MCM9: variants seen among roughly 807,000 people sequenced by gnomAD.
MCM9 encodes DNA helicase MCM9.
Under a neutral mutation model 72.8 loss-of-function variants are expected in MCM9, and 55 were observed. That is an observed-to-expected ratio of 0.76 (90% CI 0.61 to 0.95). MCM9 has a LOEUF of 0.95. Ranked by LOEUF, MCM9 falls within the 40% of genes least tolerant of loss-of-function variation. The pLI is 0.00. For synonymous variants in MCM9, 480 were observed against 503.4 expected (o/e 0.95, Z 0.62); for missense variants, 1,279 against 1,377.0 (o/e 0.93, Z 1.13).
At chr6:118,903,991 AC>A (rs141732360) in intron 8 of MCM9, among the ~76,000 whole-genome samples, 2,125 of 152,350 alleles carry the variant, frequency 0.014, 42 homozygotes, top group African/African-American at 0.049. Flanking sequence ...CTGGAGACAA[AC>A]TGAGAAGGGC....
At position 118,815,930 on chromosome 6, in the gene MCM9, T is replaced by A. The variant is rs766701355; in HGVS notation, c.2326A>T (p.Ile776Phe). 2.6e-6 allele frequency: 4 copies of A among 1,549,138 alleles called. No individual in the cohort carries two copies. In the South Asian group the frequency reaches 4.8e-5, roughly 18 times the overall value. Residue 776 changes from isoleucine to phenylalanine, a missense_variant, in exon 14 of 14, where the codon ATC becomes TTC. Transcript: ENST00000619706. The stretch of plus-strand genomic sequence containing the variant: ...TTACCCTGAGATGTGCTGTTAGAGA[T>A]CTTCGAAGCCATATTTTCTCCAGAT... ...KTSGENMASK[I>F]SNSTSQGKEK...
intron 3 of MCM9, among the ~76,000 whole-genome samples, chr6:118,928,664 A>G (rs1417318516): frequency 6.7e-6 from 1 of 150,146 alleles, no homozygotes; most frequent in Non-Finnish European, 1.5e-5. Flanking sequence ...CCTGAGCAAC[A>G]CAGAGACCCC....
chr6:118,824,508 C>T (rs1480330334), intron 13 of MCM9, among the ~76,000 whole-genome samples: 2 of 152,066 alleles, frequency 1.3e-5, no homozygotes, highest in Admixed American at 6.6e-5. Context: ...AGTGTTTCAC[C>T]ATGTTGGCCA....
At chr6:118,826,923 CT>C in intron 11 of MCM9, 59 bp from the exon 12 acceptor site, 2 of 1,325,834 alleles carry the variant, frequency 1.5e-6, no homozygotes, top group Non-Finnish European at 2.1e-6. Flanking sequence ...ATGTAATTCT[CT>C]AACTTCCTCC....
Position 118,813,843 on chromosome 6 carries a change from G to A in MCM9, c.*981C>T, listed in dbSNP as rs1773252717. ...AATCACATTTCCATATTAACCAGCT[G>A]GGTAGATGAGACATGATGTTTGATT... On this transcript the variant is annotated 3_prime_UTR_variant, in exon 14 of 14. Coordinates refer to ENST00000619706, the MANE Select transcript of MCM9 (RefSeq NM_017696.3). 1.3e-5 allele frequency: 2 copies of A among 152,140 alleles called. No homozygotes were observed. Among genetic ancestry groups the A allele is most frequent in the African/African-American group, 4.8e-5 (2 of 41,414 alleles). The allele number at this position is 152,140 out of a possible 1,614,324, so 9.4% of individuals were successfully genotyped here. A position where few individuals can be genotyped will look rare whatever the true frequency, so the allele number is the denominator to read the frequency against.
At chr6:118,886,946 C>G (rs749250394) in intron 8 of MCM9, among the ~76,000 whole-genome samples, 5 of 152,080 alleles carry the variant, frequency 3.3e-5, no homozygotes, top group Non-Finnish European at 5.9e-5. Context: ...GCCTAAAAAA[C>G]AGAGCAAGAT....
Position 118,924,033 on chromosome 6 carries a change from T to C in MCM9, c.399A>G (p.Thr133=), listed in dbSNP as rs2114384172. Residue 133 remains threonine (T), a synonymous_variant, in exon 4 of 14, where the codon ACA becomes ACG. Transcript: ENST00000619706. ...FLSVTGTVIR[T]SLVKVLEFER... is the part of the protein sequence containing the mutation. ...CAAACTCCAGAACCTTCACCAGACTTGTTCGAATCACTGTCCCAGTGACAG... is the reference window on the plus strand; with the variant it reads ...CAAACTCCAGAACCTTCACCAGACTCGTTCGAATCACTGTCCCAGTGACAG... The C allele has an allele frequency of 6.2e-7, 1 of 1,614,196 alleles. No individual in the cohort carries two copies. The highest frequency in any genetic ancestry group is 8.5e-7 in the Non-Finnish European group (1 of 1,180,026).
chr6:118,922,030 A>T lies in MCM9; in HGVS notation c.678T>A (p.Asp226Glu). The change falls in exon 5 of 14, where the codon GAT becomes GAA. Residue 226 changes from aspartate to glutamate, a missense_variant. By Grantham distance (45) the Asp-to-Glu change is conservative. Transcript: ENST00000619706. ...IPRSMKVILEDDLVDSCKSGD... is the reference protein window; with the variant it reads ...IPRSMKVILEEDLVDSCKSGD... Reference sequence around the variant, plus strand: ...CAGATTTGCAACTATCCACTAAGTCATCTTCCAGAATAACCTTCATAGATC... The same window carrying T: ...CAGATTTGCAACTATCCACTAAGTCTTCTTCCAGAATAACCTTCATAGATC... The T allele has an allele frequency of 6.2e-7, 1 of 1,613,026 alleles. No individual in the cohort carries two copies. The highest frequency in any genetic ancestry group is 8.5e-7 in the Non-Finnish European group (1 of 1,179,482).
At chr6:118,893,952 C>T in intron 8 of MCM9, 1 of 944,984 alleles carries the variant, frequency 1.1e-6, no homozygotes, top group Non-Finnish European at 1.3e-6. Flanking sequence ...CCCGCCGCGG[C>T]CACGCCCCCT....
intron 13 of MCM9, among the ~76,000 whole-genome samples, chr6:118,825,155 C>T (rs1189992170): frequency 1.3e-5 from 2 of 152,164 alleles, no homozygotes; most frequent in South Asian, 4.2e-4. Context: ...AGCCCAGGAG[C>T]GGCTTGAAAA....
chr6:118,892,995 A>G (rs1028417298), intron 8 of MCM9, among the ~76,000 whole-genome samples: 1 of 152,254 alleles, frequency 6.6e-6, no homozygotes, highest in Non-Finnish European at 1.5e-5. Context: ...ACACATACTT[A>G]AGAATTAATT....
chr6:118,880,315 G>A (rs1021477483), intron 8 of MCM9, among the ~76,000 whole-genome samples: 2 of 152,152 alleles, frequency 1.3e-5, no homozygotes, highest in Admixed American at 1.3e-4. Flanking sequence ...TTGGAAACTC[G>A]AGGTGTTTGA....
At chr6:118,844,223 AG>A (rs993924624) in intron 9 of MCM9, among the ~76,000 whole-genome samples, 2 of 151,850 alleles carry the variant, frequency 1.3e-5, no homozygotes, top group African/African-American at 4.9e-5. Context: ...ACTTTGCATC[AG>A]GAAGATTAAC....
chr6:118,868,259 GA>G (rs1777354382), intron 8 of MCM9, among the ~76,000 whole-genome samples: 1 of 152,050 alleles, frequency 6.6e-6, no homozygotes, highest in South Asian at 2.1e-4. Context: ...ATTATAAAAA[GA>G]CAAAGTATGA....
intron 6 of MCM9, among the ~76,000 whole-genome samples, chr6:118,915,234 T>C (rs1186822494): frequency 1.3e-5 from 2 of 152,308 alleles, no homozygotes; most frequent in South Asian, 2.1e-4. Context: ...GGCTATATCA[T>C]GGAAGAAAAT....
intron 8 of MCM9, among the ~76,000 whole-genome samples, chr6:118,876,201 G>A (rs555153699): frequency 6.6e-6 from 1 of 151,804 alleles, no homozygotes; most frequent in Admixed American, 6.6e-5. Context: ...ATATTTAAAA[G>A]ATCAGTGGTT....
intron 8 of MCM9, among the ~76,000 whole-genome samples, chr6:118,881,650 A>C (rs1269225243): frequency 1.3e-5 from 2 of 152,238 alleles, no homozygotes; most frequent in African/African-American, 2.4e-5. Context: ...ATCACTTCAG[A>C]GGTTTCACTT....
intron 8 of MCM9, among the ~76,000 whole-genome samples, chr6:118,857,431 T>C (rs1444713155): frequency 2.0e-5 from 3 of 152,088 alleles, no homozygotes; most frequent in African/African-American, 7.2e-5. Flanking sequence ...AGCTGTTGAA[T>C]TATAGGCAAG....
At chr6:118,826,002 T>C in intron 13 of MCM9, 145 bp downstream of exon 13, 1 of 825,944 alleles carries the variant, frequency 1.2e-6, no homozygotes, top group Non-Finnish European at 1.8e-6. Context: ...AACAGTCTCC[T>C]ATAGATAGTA....
Sources: allele counts gnomAD v4.1 joint callset (sites outside exome capture counted in the v4.1 genomes callset), GRCh38; gene constraint gnomAD v4.1.1; transcripts MANE v1.5; gene names NCBI Gene and HGNC (gene_info 2026-07-23, HGNC 2026-07-21).